Variants in MRGPRX3 observed in about 807,000 individuals in gnomAD.
MRGPRX3 encodes mas-related G protein-coupled receptor member X3.
A neutral mutation model predicts 16.5 loss-of-function variants in MRGPRX3; 14 were observed. The observed-to-expected ratio is 0.85, with a 90% CI of 0.56 to 1.33. The LOEUF is 1.33. Among genes scored for constraint, MRGPRX3 ranks in the 40% most tolerant of loss-of-function variants. The probability of loss-of-function intolerance (pLI) is 0.00; values close to 1 mark genes in which losing one functional copy is unlikely to be tolerated. For missense variants in MRGPRX3, 449 were observed against 413.0 expected (o/e 1.09, Z -0.76); for synonymous variants, 199 against 180.1 (o/e 1.10, Z -0.84).
intron 1 of MRGPRX3, among the ~76,000 whole-genome samples, chr11:18,125,183 T>C (rs1848880394): frequency 6.6e-6 from 1 of 152,204 alleles, no homozygotes; most frequent in South Asian, 2.1e-4. Flanking sequence ...TGTGTCTCTA[T>C]CTCCTTCAGT....
chr11:18,137,800 G>A lies in MRGPRX3; in HGVS notation c.598G>A (p.Val200Ile). Residue 200 changes from valine (V) to isoleucine (I), a missense_variant, in exon 2 of 2, where the codon GTC (valine) becomes ATC (isoleucine). By Grantham distance (29) the Val-to-Ile change is conservative. Transcript: ENST00000621697. ...CTGTGGGTCCAGCCTGGTCCTGCTG[G>A]TCAGGATTCTCTGTGGATCCCGGAA... Reference protein sequence around the residue: ...VLCGSSLVLLVRILCGSRKMP... With the variant: ...VLCGSSLVLLIRILCGSRKMP... The A allele has an allele frequency of 6.2e-7, 1 of 1,614,132 alleles. No individual in the cohort carries two copies. The highest frequency in any genetic ancestry group is 8.5e-7 in the Non-Finnish European group (1 of 1,180,018).
In MRGPRX3 at chr11:18,138,437, T is replaced by G; in HGVS notation, c.*266T>G. On this transcript the variant is annotated 3_prime_UTR_variant, in exon 2 of 2. Transcript: ENST00000621697. ...CACTGAATCTTTCCTACTGAACACT[T>G]TTTCTGCACTTTTCATTGTAATAAA... 1 of 404,018 alleles carries G rather than the reference T, an allele frequency of 2.5e-6. No individual in the cohort carries two copies. The highest frequency in any genetic ancestry group is 4.5e-6 in the Non-Finnish European group (1 of 224,638). The allele number at this position is 404,018 out of a possible 1,614,324, so 25.0% of individuals were successfully genotyped here.
In MRGPRX3 at chr11:18,138,325, C is replaced by A; in HGVS notation, c.*154C>A. On this transcript the variant is annotated 3_prime_UTR_variant, in exon 2 of 2. Coordinates refer to ENST00000621697, the MANE Select transcript of MRGPRX3 (RefSeq NM_001370464.1). ...AGATGTTTATCTAACCTGACAGTTGCAGTTTTCACCCATGGAAAGCATTAG... is the reference window on the plus strand; with the variant it reads ...AGATGTTTATCTAACCTGACAGTTGAAGTTTTCACCCATGGAAAGCATTAG... 1 of 1,181,954 alleles carries A rather than the reference C, an allele frequency of 8.5e-7. No homozygotes were observed. Among genetic ancestry groups the A allele is most frequent in the Non-Finnish European group, 1.2e-6 (1 of 851,528 alleles). 73.2% of individuals were successfully genotyped at this position (1,181,954 alleles called of 1,614,324 possible). A position where few individuals can be genotyped will look rare whatever the true frequency, so the allele number is the denominator to read the frequency against.
Position 18,138,218 on chromosome 11 carries a change from C to T in MRGPRX3, c.*47C>T, listed in dbSNP as rs1477488511. The T allele has an allele frequency of 6.5e-7, 1 of 1,539,216 alleles. No homozygotes were observed. ...GACAGGACTTTGAGAGCAATGCTGC[C>T]CTGCCACCCTTGACAATTATATGCA... On this transcript the variant is annotated 3_prime_UTR_variant, in exon 2 of 2. Transcript: ENST00000621697.
upstream of MRGPRX3, among the ~76,000 whole-genome samples, chr11:18,128,073 C>T (rs577830044): frequency 2.0e-5 from 3 of 152,334 alleles, no homozygotes; most frequent in African/African-American, 7.2e-5. Context: ...GCAGCGGAGG[C>T]TGCAGAACAG....
chr11:18,124,431 A>G (rs573461133), intron 1 of MRGPRX3, among the ~76,000 whole-genome samples: 1 of 152,312 alleles, frequency 6.6e-6, no homozygotes, highest in East Asian at 1.9e-4. Context: ...CCTTTTCTGC[A>G]TCTATTGAGA....
rs755448486 is a variant in MRGPRX3, at chr11:18,138,051, T to A, written c.849T>A (p.Asn283Lys). ...FFVGSFRQRQ[N>K]RQNLKLVLQR... ...TGGGCTCCTTTAGGCAGCGTCAAAA[T>A]AGGCAGAACCTGAAGCTGGTTCTCC... The change falls in exon 2 of 2, where the codon AAT (asparagine) becomes AAA (lysine). Residue 283 changes from asparagine to lysine, a missense_variant. Asn to Lys is a moderately conservative substitution (Grantham distance 94). Coordinates refer to ENST00000621697, the MANE Select transcript of MRGPRX3 (RefSeq NM_001370464.1). 6.2e-7 allele frequency: 1 copy of A among 1,614,152 alleles called. No homozygotes were observed. Among genetic ancestry groups the A allele is most frequent in the South Asian group, 1.1e-5 (1 of 91,076 alleles).
intron 1 of MRGPRX3, among the ~76,000 whole-genome samples, chr11:18,125,836 G>A (rs1310835329): frequency 6.6e-6 from 1 of 152,102 alleles, no homozygotes; most frequent in Non-Finnish European, 1.5e-5. Flanking sequence ...TCTCTTTGTA[G>A]GTCTCTAAGG....
At chr11:18,121,622 G>C (rs916457015) in intron 1 of MRGPRX3, among the ~76,000 whole-genome samples, 1 of 152,252 alleles carries the variant, frequency 6.6e-6, no homozygotes, top group African/African-American at 2.4e-5. Context: ...GAAAGAAGTA[G>C]ACATGGGAGA....
upstream of MRGPRX3, among the ~76,000 whole-genome samples, chr11:18,130,078 G>C (rs1290376156): frequency 1.3e-5 from 2 of 152,114 alleles, no homozygotes; most frequent in African/African-American, 2.4e-5. Flanking sequence ...ACATTATACT[G>C]AATGGGGAAA....
At chr11:18,129,550 A>G (rs554961778), upstream of MRGPRX3, among the ~76,000 whole-genome samples, 8 of 152,246 alleles carry the variant, frequency 5.3e-5, no homozygotes, top group African/African-American at 1.4e-4. Context: ...ATTTTTTTTT[A>G]AATTGCCAAC....
intron 1 of MRGPRX3, among the ~76,000 whole-genome samples, chr11:18,123,533 T>C (rs1202907014): frequency 6.6e-6 from 1 of 152,206 alleles, no homozygotes; most frequent in East Asian, 1.9e-4. Flanking sequence ...CTCTGTTCTG[T>C]TCCATTGGTC....
chr11:18,127,023 G>T (rs1376457178), intron 1 of MRGPRX3, among the ~76,000 whole-genome samples: 1 of 152,104 alleles, frequency 6.6e-6, no homozygotes, highest in Non-Finnish European at 1.5e-5. Flanking sequence ...GAGATGGCTG[G>T]GCCAAATGGT....
upstream of MRGPRX3, among the ~76,000 whole-genome samples, chr11:18,132,312 C>G (rs1168667755): frequency 6.6e-6 from 1 of 152,320 alleles, no homozygotes; most frequent in East Asian, 1.9e-4. Context: ...GTCCCATGAT[C>G]TACTTTTTCA....
rs551318965 is a variant in MRGPRX3, at chr11:18,138,095, C to A, written c.893C>A (p.Thr298Lys). ...GTTCTCCAGAGGGCTCTGCAGGACA[C>A]GCCTGAGGTGGATGAAGGTGGAGGG... ...KLVLQRALQD[T>K]PEVDEGGGWL... The change falls in exon 2 of 2, where the codon ACG becomes AAG. Residue 298 changes from threonine (T) to lysine (K), a missense_variant. Transcript: ENST00000621697. 85 of 1,614,144 alleles carry A rather than the reference C, an allele frequency of 5.3e-5. No homozygotes were observed. Among genetic ancestry groups the A allele is most frequent in the East Asian group, 4.5e-4 (20 of 44,882 alleles).
At chr11:18,128,844 A>C (rs1401294136), upstream of MRGPRX3, among the ~76,000 whole-genome samples, 4 of 152,242 alleles carry the variant, frequency 2.6e-5, no homozygotes, top group Non-Finnish European at 5.9e-5. Flanking sequence ...TTGGAAATGC[A>C]GAAATCATTC....
intron 1 of MRGPRX3, among the ~76,000 whole-genome samples, chr11:18,135,361 A>G (rs926907418): frequency 6.6e-6 from 1 of 152,188 alleles, no homozygotes. Context: ...CTGAGTGTGG[A>G]TAACAGAGGT....
At position 18,137,795 on chromosome 11, in the gene MRGPRX3, T is replaced by C; in HGVS notation, c.593T>C (p.Leu198Pro). Residue 198 changes from leucine to proline, a missense_variant, in exon 2 of 2, where the codon CTG becomes CCG. Physicochemically the swap from Leu to Pro is moderately conservative, Grantham distance 98 (BLOSUM62 -3). Transcript: ENST00000621697. ...CVVLCGSSLV[L>P]LVRILCGSRK... The stretch of plus-strand genomic sequence containing the variant: ...GTTCTCTGTGGGTCCAGCCTGGTCC[T>C]GCTGGTCAGGATTCTCTGTGGATCC... 6.2e-7 allele frequency: 1 copy of C among 1,614,060 alleles called. No homozygotes were observed. The highest frequency in any genetic ancestry group is 1.3e-5 in the African/African-American group (1 of 74,958).
intron 1 of MRGPRX3, among the ~76,000 whole-genome samples, chr11:18,135,072 A>G (rs1436123568): frequency 2.0e-5 from 3 of 152,206 alleles, no homozygotes; most frequent in Admixed American, 6.5e-5. Flanking sequence ...AGTCTCGTGC[A>G]GGACTCCAGG....
Sources: allele counts gnomAD v4.1 joint callset (sites outside exome capture counted in the v4.1 genomes callset), GRCh38; gene constraint gnomAD v4.1.1; transcripts MANE v1.5; gene names NCBI Gene and HGNC (gene_info 2026-07-23, HGNC 2026-07-21).